The following UROC1 variants were observed in gnomAD, a reference collection of about 807,000 sequenced individuals.
The protein encoded by UROC1 is urocanate hydratase 1.
Under a neutral mutation model 89.5 loss-of-function variants are expected in UROC1, and 79 were observed. That is an observed-to-expected ratio of 0.88 (90% CI 0.74 to 1.06). The LOEUF (loss-of-function observed/expected upper bound fraction) is 1.06. UROC1 is among the 50% of genes least tolerant of loss of function. The probability of loss-of-function intolerance (pLI) is 0.00; values close to 1 mark genes in which losing one functional copy is unlikely to be tolerated. For synonymous variants in UROC1, 361 were observed against 354.8 expected (o/e 1.02, Z -0.20); for missense variants, 885 against 907.8 (o/e 0.97, Z 0.32).
chr3:126,498,678 G>A (rs1000592379), intron 13 of UROC1, among the ~76,000 whole-genome samples: 4 of 152,080 alleles, frequency 2.6e-5, no homozygotes, highest in Non-Finnish European at 4.4e-5. Flanking sequence ...TCTCCGGAGA[G>A]TGCCAGCTGA....
At chr3:126,505,555 G>A (rs1576726165) in intron 8 of UROC1, 146 bp downstream of exon 8, 5 of 1,317,992 alleles carry the variant, frequency 3.8e-6, no homozygotes, top group East Asian at 5.0e-5. Context: ...AGGTCCAGTG[G>A]GGCTTCGTGG....
intron 14 of UROC1, 61 bp from the exon 15 acceptor site, chr3:126,496,169 C>T (rs1935772448): frequency 6.5e-7 from 1 of 1,545,758 alleles, no homozygotes; most frequent in Non-Finnish European, 8.8e-7. Flanking sequence ...TGCCCTCAGG[C>T]AGGCTGCTCA....
chr3:126,498,196 C>A, intron 13 of UROC1, 24 bp from the exon 14 acceptor site: 1 of 1,613,938 alleles, frequency 6.2e-7, no homozygotes, highest in Non-Finnish European at 8.5e-7. Flanking sequence ...TGCCTCCTCA[C>A]CCTGGGCCCG....
chr3:126,499,997 C>T, intron 12 of UROC1, 60 bp downstream of exon 12: 2 of 1,536,830 alleles, frequency 1.3e-6, no homozygotes, highest in Non-Finnish European at 1.8e-6. Flanking sequence ...TGGCACTGGC[C>T]TGAGAGGCTG....
chr3:126,513,877 C>T (rs1036704258), intron 1 of UROC1, among the ~76,000 whole-genome samples: 1 of 152,174 alleles, frequency 6.6e-6, no homozygotes, highest in Non-Finnish European at 1.5e-5. Flanking sequence ...CCATGCTGTT[C>T]CTGGCATTTA....
Position 126,510,767 on chromosome 3 carries a change from A to G in UROC1, c.154T>C (p.Phe52Leu), listed in dbSNP as rs746191170. ...AGCAGCTCCTGGACATCCGGGGGGA[A>G]GTAGCGCAGGGCGTTCCTCAGCGCC... ...QLALRNALRY[F>L]PPDVQELLAP... Residue 52 changes from phenylalanine (F) to leucine (L), a missense_variant, in exon 2 of 20, where the codon TTC becomes CTC. Transcript: ENST00000290868. 22 of 1,613,844 alleles carry G rather than the reference A, an allele frequency of 1.4e-5. No homozygotes were observed. The highest frequency in any genetic ancestry group is 2.7e-5 in the African/African-American group (2 of 74,940).
chr3:126,511,160 A>G (rs956729631), intron 1 of UROC1, among the ~76,000 whole-genome samples: 10 of 152,106 alleles, frequency 6.6e-5, no homozygotes, highest in Admixed American at 3.3e-4. Context: ...TGGAAAGTAG[A>G]CCCCACATGG....
At chr3:126,487,033 G>C (rs1560115373) in intron 18 of UROC1, among the ~76,000 whole-genome samples, 2 of 152,210 alleles carry the variant, frequency 1.3e-5, no homozygotes, top group African/African-American at 2.4e-5. Context: ...GGGAAACCTT[G>C]GGGGAGCAAC....
chr3:126,504,426 G>T (rs1936008140), intron 8 of UROC1, among the ~76,000 whole-genome samples: 1 of 152,176 alleles, frequency 6.6e-6, no homozygotes, highest in Non-Finnish European at 1.5e-5. Context: ...AAAGGAGAGG[G>T]TTTGGAGACA....
At chr3:126,485,591 A>AT (rs372032139) in intron 18 of UROC1, among the ~76,000 whole-genome samples, 10,614 of 134,412 alleles carry the variant, frequency 0.079, 604 homozygotes, top group Non-Finnish European at 0.11. Context: ...TTCCCCATTT[A>AT]TTTATTTATT....
In UROC1 at chr3:126,517,641, G is replaced by T; in HGVS notation, c.79C>A (p.Pro27Thr). 1.2e-6 allele frequency: 2 copies of T among 1,611,438 alleles called. No individual in the cohort carries two copies. The highest frequency in any genetic ancestry group is 2.7e-5 in the African/African-American group (2 of 75,026). The change falls in exon 1 of 20, where the codon CCC becomes ACC. Residue 27 changes from proline (P) to threonine (T), a missense_variant. By Grantham distance (38) the Pro-to-Thr change is conservative. Transcript: ENST00000290868. ...CTGGGGGTCCTGACAGGGGCATGGG[G>T]CACCCCAGCCTGGCGTCCCCGGTTC... ...PENRGRQAGV[P>T]HAPVRTPSLS... is the part of the protein sequence containing the mutation.
rs1289351034 is a variant in UROC1, at chr3:126,483,402, G to A, written c.1857C>T (p.Ala619=). 6.2e-7 allele frequency: 1 copy of A among 1,613,544 alleles called. No individual in the cohort carries two copies. The highest frequency in any genetic ancestry group is 1.3e-5 in the African/African-American group (1 of 74,944). Residue 619 remains alanine (A), a synonymous_variant, in exon 19 of 20, where the codon GCC becomes GCT. Coordinates refer to ENST00000290868, the MANE Select transcript of UROC1 (RefSeq NM_144639.3). ...LDGTPEAEGR[A]RLMLSWDVSN... is the part of the protein sequence containing the mutation. ...AGACATCCCAGCTGAGCATCAGCCT[G>A]GCTCTCCCCTCGGCCTCCGGGGTAC...
intron 10 of UROC1, 121 bp from the exon 11 acceptor site, chr3:126,500,995 G>A: frequency 7.1e-7 from 1 of 1,409,590 alleles, no homozygotes; most frequent in South Asian, 1.2e-5. Flanking sequence ...CACAGCCCGA[G>A]CCAGACCCTG....
chr3:126,508,080 A>C lies in UROC1; in HGVS notation c.427T>G (p.Phe143Val). 1.2e-6 allele frequency: 2 copies of C among 1,613,934 alleles called. No homozygotes were observed. The highest frequency in any genetic ancestry group is 1.7e-6 in the Non-Finnish European group (2 of 1,180,016). ...TCCTCTGTCATCTTCGACAAGTAGA[A>C]CATGGTCAGCCAGAACTGGGGGAAG... is the stretch of plus-strand genomic sequence containing the variant. ...SNWAQFWLTM[F>V]YLSKMTEEQT... Residue 143 changes from phenylalanine (F) to valine (V), a missense_variant, in exon 5 of 20, where the codon TTC becomes GTC. Coordinates refer to ENST00000290868, the MANE Select transcript of UROC1 (RefSeq NM_144639.3).
chr3:126,498,589 G>T (rs56382448), intron 13 of UROC1, among the ~76,000 whole-genome samples: 36,915 of 151,896 alleles, frequency 0.24, 4,884 homozygotes, highest in Non-Finnish European at 0.29. Flanking sequence ...GTCCTGGGGG[G>T]AGGATGCCGT....
intron 19 of UROC1, among the ~76,000 whole-genome samples, chr3:126,483,090 G>A (rs11718107): frequency 0.43 from 65,459 of 151,962 alleles, 15,400 homozygotes; most frequent in Middle Eastern, 0.56. Flanking sequence ...CTCACGCTCC[G>A]GGCCCAGCCC....
intron 18 of UROC1, 75 bp downstream of exon 18, chr3:126,488,123 C>A (rs1278465961): frequency 1.3e-6 from 2 of 1,536,760 alleles, no homozygotes; most frequent in Non-Finnish European, 9.0e-7. Flanking sequence ...TCAGGAACCT[C>A]AGCCTGGCCC....
chr3:126,499,675 G>C (rs1048071218), intron 12 of UROC1, among the ~76,000 whole-genome samples: 8 of 152,254 alleles, frequency 5.3e-5, no homozygotes, highest in Admixed American at 1.3e-4. Flanking sequence ...ACAGGGCTGG[G>C]GGGGCTTCCC....
At position 126,482,468 on chromosome 3, in the gene UROC1, C is replaced by G; in HGVS notation, c.1908G>C (p.Trp636Cys). Residue 636 changes from tryptophan (W) to cysteine (C), a missense_variant, in exon 20 of 20, where the codon TGG becomes TGC. By Grantham distance (215) the Trp-to-Cys change is radical. Transcript: ENST00000290868. ...TCTCATAGGCCTTCTGGTTCCCTGA[C>G]CAGCAGCGCCGGGCCACCTAGGGCA... ...DVSNGVARRC[W>C]SGNQKAYEII... 1.2e-6 allele frequency: 2 copies of G among 1,614,028 alleles called. No individual in the cohort carries two copies. Among genetic ancestry groups the G allele is most frequent in the Non-Finnish European group, 1.7e-6 (2 of 1,180,018 alleles).
Sources: allele counts gnomAD v4.1 joint callset (sites outside exome capture counted in the v4.1 genomes callset), GRCh38; gene constraint gnomAD v4.1.1; transcripts MANE v1.5; gene names NCBI Gene and HGNC (gene_info 2026-07-23, HGNC 2026-07-21).